ZNF714: variants seen among roughly 807,000 people sequenced by gnomAD.
The protein encoded by ZNF714 is zinc finger protein 714.
Under a neutral mutation model 46.2 loss-of-function variants are expected in ZNF714, and 32 were observed. The ratio of observed to expected loss-of-function variants is 0.69; its 90% confidence interval spans 0.52 to 0.93. ZNF714 has a LOEUF of 0.93. Among genes scored for constraint, ZNF714 ranks in the 40% least tolerant of loss-of-function variants. The pLI is 0.00. For missense variants in ZNF714, 635 were observed against 646.3 expected (o/e 0.98, Z 0.19); for synonymous variants, 199 against 213.1 (o/e 0.93, Z 0.58).
intron 4 of ZNF714, among the ~76,000 whole-genome samples, chr19:21,105,755 G>C (rs1259952877): frequency 6.6e-6 from 1 of 152,062 alleles, no homozygotes; most frequent in African/African-American, 2.4e-5. Context: ...AGGAGTTGGA[G>C]ACCAGCCTGG....
In ZNF714 at chr19:21,120,510, A is replaced by G. The variant is rs887833442; in HGVS notation, c.*2178A>G. On this transcript the variant is annotated 3_prime_UTR_variant, in exon 5 of 5. Transcript: ENST00000456283. ...GGTGTTCAGAGTAATATTCTGCATT[A>G]TGAAAAAACATTTAATTTTATTTAA... is the stretch of plus-strand genomic sequence containing the variant. 1 of 149,738 alleles carries G rather than the reference A, an allele frequency of 6.7e-6. No individual in the cohort carries two copies. Among genetic ancestry groups the G allele is most frequent in the African/African-American group, 2.4e-5 (1 of 40,922 alleles). The allele number at this position is 149,738 out of a possible 1,614,324, so 9.3% of individuals were successfully genotyped here. A position where few individuals can be genotyped will look rare whatever the true frequency, so the allele number is the denominator to read the frequency against.
At chr19:21,092,185 A>C (rs1055559910) in intron 2 of ZNF714, among the ~76,000 whole-genome samples, 4 of 152,058 alleles carry the variant, frequency 2.6e-5, no homozygotes, top group Non-Finnish European at 5.9e-5. Context: ...ACTTAGAGGA[A>C]AGGAGCTCTG....
At chr19:21,096,673 A>G (rs1425448914) in intron 2 of ZNF714, among the ~76,000 whole-genome samples, 4 of 152,146 alleles carry the variant, frequency 2.6e-5, no homozygotes, top group Non-Finnish European at 5.9e-5. Flanking sequence ...CTGCCATATT[A>G]AAAGTGTTCC....
intron 4 of ZNF714, among the ~76,000 whole-genome samples, chr19:21,101,399 A>C (rs1263019352): frequency 6.6e-6 from 1 of 152,166 alleles, no homozygotes; most frequent in Non-Finnish European, 1.5e-5. Flanking sequence ...TTTGTTACCA[A>C]GGGCTTGGGT....
Position 21,118,231 on chromosome 19 carries a change from A to G in ZNF714, c.1567A>G (p.Ile523Val), listed in dbSNP as rs1225501195. Residue 523 changes from isoleucine to valine, a missense_variant, in exon 5 of 5, where the codon ATC becomes GTC. Physicochemically the swap from Ile to Val is conservative, Grantham distance 29 (BLOSUM62 3). Transcript: ENST00000456283. ...CACTTTGAGAGGACTAGGTGAGCAG[A>G]TCGCGAGGTCAGGAGTTCAAGACCA... ...PNTLRGLGEQ[I>V]ARSGVQDQPG... 2 of 1,572,352 alleles carry G rather than the reference A, an allele frequency of 1.3e-6. No individual in the cohort carries two copies. The highest frequency in any genetic ancestry group is 4.6e-5 in the East Asian group (2 of 43,202).
intron 4 of ZNF714, among the ~76,000 whole-genome samples, chr19:21,102,949 A>G (rs1211186766): frequency 6.6e-6 from 1 of 152,172 alleles, no homozygotes; most frequent in Non-Finnish European, 1.5e-5. Context: ...TAATTAAGAG[A>G]TAAATCAGCC....
chr19:21,112,033 T>C (rs1244434421), intron 4 of ZNF714, among the ~76,000 whole-genome samples: 1 of 152,194 alleles, frequency 6.6e-6, no homozygotes, highest in East Asian at 1.9e-4. Context: ...GATATTGGCT[T>C]GAAGGTTTTT....
intron 4 of ZNF714, among the ~76,000 whole-genome samples, chr19:21,100,751 C>A (rs561995200): frequency 4.2e-4 from 64 of 152,160 alleles, no homozygotes; most frequent in African/African-American, 1.5e-3. Flanking sequence ...CACTGTGTCA[C>A]CCAGGCTGGA....
At chr19:21,109,099 G>GT (rs35850352) in intron 4 of ZNF714, among the ~76,000 whole-genome samples, 1 of 152,040 alleles carries the variant, frequency 6.6e-6, no homozygotes, top group African/African-American at 2.4e-5. Context: ...ATGGAATATA[G>GT]TTTTTTTTCC....
At chr19:21,092,905 A>ATT (rs1968946720) in intron 2 of ZNF714, among the ~76,000 whole-genome samples, 1 of 62,510 alleles carries the variant, frequency 1.6e-5, no homozygotes. Flanking sequence ...AATAACTTAA[A>ATT]CTTTTTTTTT....
Position 21,117,604 on chromosome 19 carries a change from A to G in ZNF714, c.940A>G (p.Lys314Glu), listed in dbSNP as rs919299848. The G allele has an allele frequency of 1.2e-6, 2 of 1,610,874 alleles. No individual in the cohort carries two copies. The highest frequency in any genetic ancestry group is 1.7e-6 in the Non-Finnish European group (2 of 1,178,198). The change falls in exon 5 of 5, where the codon AAA becomes GAA. Residue 314 changes from lysine to glutamate, a missense_variant. Transcript: ENST00000456283. ...AATTCATTCTGGAGAGAAATCTTAC[A>G]AATGTGAACAATGTGGCAAAGGCTT... is the stretch of plus-strand genomic sequence containing the variant. The part of the protein sequence containing the change: ...KIIHSGEKSY[K>E]CEQCGKGFNW...
chr19:21,092,182 G>A (rs539412564), intron 2 of ZNF714, among the ~76,000 whole-genome samples: 1 of 152,168 alleles, frequency 6.6e-6, no homozygotes, highest in South Asian at 2.1e-4. Flanking sequence ...AAAACTTAGA[G>A]GAAAGGAGCT....
intron 4 of ZNF714, among the ~76,000 whole-genome samples, chr19:21,103,086 G>C (rs984163442): frequency 2.0e-5 from 3 of 151,804 alleles, no homozygotes; most frequent in African/African-American, 7.3e-5. Context: ...TCTTGTCTAA[G>C]CGAGTAGTCA....
At chr19:21,104,758 A>G (rs1356483194) in intron 4 of ZNF714, among the ~76,000 whole-genome samples, 1 of 151,756 alleles carries the variant, frequency 6.6e-6, no homozygotes, top group Non-Finnish European at 1.5e-5. Flanking sequence ...GATTACAGGT[A>G]CCTGCCATCA....
intron 4 of ZNF714, 38 bp downstream of exon 4, chr19:21,098,948 A>T: frequency 4.5e-5 from 42 of 941,132 alleles, no homozygotes; most frequent in Non-Finnish European, 5.9e-5. Flanking sequence ...CACAGATGAG[A>T]GGTACAAAGG....
At position 21,098,399 on chromosome 19, in the gene ZNF714, T is replaced by C. The variant is rs1443800041; in HGVS notation, c.43+88T>C. Reference sequence around the variant, plus strand: ...TAGAATTTTCTTTGGTAATTTATGCTTTGTATAAATGAGTTTCTGATCCCA... The same window carrying C: ...TAGAATTTTCTTTGGTAATTTATGCCTTGTATAAATGAGTTTCTGATCCCA... On this transcript the variant is annotated intron_variant, in intron 3 of 4. Transcript: ENST00000456283. 5.4e-6 allele frequency: 8 copies of C among 1,475,834 alleles called. No individual in the cohort carries two copies. The African/African-American group carries it at 1.1e-4, about 21-fold the overall frequency. The allele number at this position is 1,475,834 out of a possible 1,614,324, so 91.4% of individuals were successfully genotyped here. A position where few individuals can be genotyped will look rare whatever the true frequency, so the allele number is the denominator to read the frequency against.
chr19:21,106,988 C>T (rs951614949), intron 4 of ZNF714, among the ~76,000 whole-genome samples: 3 of 151,794 alleles, frequency 2.0e-5, no homozygotes, highest in Admixed American at 1.3e-4. Flanking sequence ...TGCCACACCC[C>T]GCTAATTTTT....
At chr19:21,100,654 C>T (rs185896868) in intron 4 of ZNF714, among the ~76,000 whole-genome samples, 269 of 152,212 alleles carry the variant, frequency 1.8e-3, no homozygotes, top group Non-Finnish European at 2.8e-3. Flanking sequence ...TGTATGGAAG[C>T]ATAACGTATG....
At chr19:21,100,204 G>A (rs948245165) in intron 4 of ZNF714, among the ~76,000 whole-genome samples, 1 of 151,666 alleles carries the variant, frequency 6.6e-6, no homozygotes, top group African/African-American at 2.4e-5. Flanking sequence ...TTCTTTCATT[G>A]ATATCTTATA....
Sources: allele counts gnomAD v4.1 joint callset (sites outside exome capture counted in the v4.1 genomes callset), GRCh38; gene constraint gnomAD v4.1.1; transcripts MANE v1.5; gene names NCBI Gene and HGNC (gene_info 2026-07-23, HGNC 2026-07-21).